Variants in LTBP1 observed in about 807,000 individuals in gnomAD.
The protein encoded by LTBP1 is latent transforming growth factor beta binding protein 1.
A neutral mutation model predicts 207.6 loss-of-function variants in LTBP1; 129 were observed. The ratio of observed to expected loss-of-function variants is 0.62; its 90% CI spans 0.54 to 0.72. The LOEUF is 0.72. Ranked by LOEUF, LTBP1 falls within the 30% of genes least tolerant of loss-of-function variation. LTBP1 has a pLI of 0.00. For synonymous variants in LTBP1, 963 were observed against 833.7 expected (o/e 1.16, Z -2.67); for missense variants, 2,281 against 2,217.2 (o/e 1.03, Z -0.58).
intron 2 of LTBP1, among the ~76,000 whole-genome samples, chr2:33,020,417 A>C (rs1488612298): frequency 1.3e-5 from 2 of 152,178 alleles, no homozygotes; most frequent in African/African-American, 4.8e-5. Flanking sequence ...CGTATATTTA[A>C]ATTTAAGCCA....
intron 3 of LTBP1, among the ~76,000 whole-genome samples, chr2:33,068,655 T>C (rs956366819): frequency 6.6e-6 from 1 of 151,956 alleles, no homozygotes; most frequent in African/African-American, 2.4e-5. Flanking sequence ...TTTGATAATA[T>C]TTGCAGTTGA....
rs532281367 is a variant in LTBP1 at position 33,342,848 on chromosome 2, A to T, written c.3741A>T (p.Glu1247Asp). ...ADGRTCEDID[E>D]CVNNTVCDSH... is the part of the protein sequence containing the mutation. Reference sequence around the variant, plus strand: ...ATGTCTTTTTTGCAGATATTGATGAATGTGTAAACAACACTGTTTGTGACA... The same window carrying T: ...ATGTCTTTTTTGCAGATATTGATGATTGTGTAAACAACACTGTTTGTGACA... The change falls in exon 25 of 34, where the codon GAA (glutamate) becomes GAT (aspartate). Residue 1247 changes from glutamate (E) to aspartate (D), a missense_variant. Physicochemically the swap from Glu to Asp is conservative, Grantham distance 45. Coordinates refer to ENST00000404816, the MANE Select transcript of LTBP1 (RefSeq NM_206943.4). 2 of 1,613,666 alleles carry T rather than the reference A, an allele frequency of 1.2e-6. No homozygotes were observed. The highest frequency in any genetic ancestry group is 2.2e-5 in the South Asian group (2 of 91,004).
chr2:32,988,174 T>G (rs1683881719), intron 2 of LTBP1, among the ~76,000 whole-genome samples: 1 of 152,246 alleles, frequency 6.6e-6, no homozygotes, highest in Non-Finnish European at 1.5e-5. Context: ...GTAATATGGA[T>G]TTTGGACTTC....
Position 33,398,408 on chromosome 2 carries a change from A to C in LTBP1, c.5029A>C (p.Lys1677Gln). 3 of 1,614,136 alleles carry C rather than the reference A, an allele frequency of 1.9e-6. No homozygotes were observed. In the South Asian group the frequency reaches 3.3e-5, roughly 18 times the overall value. The change falls in exon 34 of 34, where the codon AAG becomes CAG. Residue 1677 changes from lysine (K) to glutamine (Q), a missense_variant. Around this residue, in one of 3 missense-constraint regions of LTBP1, gnomAD observed 1,671 missense variants for 1,634.8 expected, o/e 1.02. Coordinates refer to ENST00000404816, the MANE Select transcript of LTBP1 (RefSeq NM_206943.4). Reference sequence around the variant, plus strand: ...GTTGAACAACCGGATGTCTCTCTGCAAGAATGCCAAGTGCATTAACACCGA... The same window carrying C: ...GTTGAACAACCGGATGTCTCTCTGCCAGAATGCCAAGTGCATTAACACCGA... ...DELNNRMSLC[K>Q]NAKCINTDGS...
chr2:33,257,500 C>T lies in LTBP1; in HGVS notation c.2384C>T (p.Ala795Val), dbSNP rs376550451. The change falls in exon 12 of 34, where the codon GCG (alanine) becomes GTG (valine). Residue 795 changes from alanine (A) to valine (V), a missense_variant. Around this residue, in one of 3 missense-constraint regions of LTBP1, gnomAD observed 1,671 missense variants for 1,634.8 expected, o/e 1.02. Transcript: ENST00000404816. ...TCCCGGGAACACGGGCCAGGAGTGG[C>T]GGAGCCAGAAGGTGAGAGCGGTAAT... is the stretch of plus-strand genomic sequence containing the variant. Reference protein sequence around the residue: ...TFSREHGPGVAEPEVATAPPE... With the variant: ...TFSREHGPGVVEPEVATAPPE... The T allele has an allele frequency of 2.2e-4, 352 of 1,613,908 alleles. No homozygotes were observed. Among genetic ancestry groups the T allele is most frequent in the Non-Finnish European group, 2.7e-4 (317 of 1,179,842 alleles).
At chr2:32,993,799 C>G (rs12469275) in intron 2 of LTBP1, among the ~76,000 whole-genome samples, 2 of 152,152 alleles carry the variant, frequency 1.3e-5, no homozygotes, top group Admixed American at 1.3e-4. Context: ...AAACTGAGGC[C>G]TAGGCCATTG....
chr2:33,075,089 A>G (rs2078011873), intron 3 of LTBP1, among the ~76,000 whole-genome samples: 1 of 152,124 alleles, frequency 6.6e-6, no homozygotes, highest in Non-Finnish European at 1.5e-5. Flanking sequence ...TGGATAAAAA[A>G]AAAAGATGTT....
chr2:33,023,994 A>G (rs1402869600), intron 3 of LTBP1, among the ~76,000 whole-genome samples: 1 of 152,228 alleles, frequency 6.6e-6, no homozygotes, highest in Non-Finnish European at 1.5e-5. Context: ...GTATTCAACT[A>G]TATACATAAA....
rs2076850072 is a variant in LTBP1 at position 33,053,601 on chromosome 2, A to G, written c.863+32395A>G. 2.0e-5 allele frequency among the ~76,000 whole-genome samples: 3 copies of G among 151,992 alleles called. No individual in the cohort carries two copies. The South Asian group carries it at 6.2e-4, about 32-fold the overall frequency. On this transcript the variant is annotated intron_variant, in intron 3 of 33. Coordinates refer to ENST00000404816, the MANE Select transcript of LTBP1 (RefSeq NM_206943.4). ...TAGAGGGGCCTGGCTATTTTGCTGTATCCGGGGATCCATAGTCGGCAAAAG... is the reference window on the plus strand; with the variant it reads ...TAGAGGGGCCTGGCTATTTTGCTGTGTCCGGGGATCCATAGTCGGCAAAAG...
intron 3 of LTBP1, among the ~76,000 whole-genome samples, chr2:33,034,228 T>TA (rs10710968): frequency 0.019 from 2,781 of 143,650 alleles, 51 homozygotes; most frequent in African/African-American, 0.047. Context: ...ATTGTTGTTC[T>TA]AAAAAAAAAA....
intron 3 of LTBP1, among the ~76,000 whole-genome samples, chr2:33,100,873 A>C (rs2079691921): frequency 6.6e-6 from 1 of 152,130 alleles, no homozygotes; most frequent in African/African-American, 2.4e-5. Flanking sequence ...CCTGTGTTAG[A>C]GTTTCATTTC....
chr2:33,228,880 T>C (rs1475772654), intron 9 of LTBP1, among the ~76,000 whole-genome samples: 1 of 151,564 alleles, frequency 6.6e-6, no homozygotes, highest in African/African-American at 2.4e-5. Flanking sequence ...TTTGTATTTT[T>C]AGTAGAGACA....
intron 4 of LTBP1, among the ~76,000 whole-genome samples, chr2:33,122,924 A>G (rs1020070687): frequency 6.6e-6 from 1 of 152,162 alleles, no homozygotes; most frequent in Non-Finnish European, 1.5e-5. Context: ...TTTGTAGGCA[A>G]GAGACCTCAG....
chr2:33,132,116 A>G (rs918630204), intron 4 of LTBP1, among the ~76,000 whole-genome samples: 1 of 152,206 alleles, frequency 6.6e-6, no homozygotes, highest in African/African-American at 2.4e-5. Flanking sequence ...AGGAGCCAGA[A>G]AAAGGAGGAG....
At chr2:32,994,641 A>G (rs754304701) in intron 2 of LTBP1, among the ~76,000 whole-genome samples, 3 of 151,764 alleles carry the variant, frequency 2.0e-5, no homozygotes, top group Admixed American at 6.6e-5. Context: ...TAATTTTTGT[A>G]TTTTTAATAG....
At chr2:32,979,040 G>C (rs549969869) in intron 2 of LTBP1, among the ~76,000 whole-genome samples, 7 of 151,620 alleles carry the variant, frequency 4.6e-5, no homozygotes, top group African/African-American at 1.7e-4. Flanking sequence ...GTTATCAATT[G>C]TTATGTAGTT....
At chr2:33,329,926 G>A (rs1038843183) in intron 24 of LTBP1, among the ~76,000 whole-genome samples, 2 of 151,954 alleles carry the variant, frequency 1.3e-5, no homozygotes, top group African/African-American at 4.8e-5. Flanking sequence ...AACTCTGCTG[G>A]GATTTTGATT....
Position 33,188,860 on chromosome 2 carries a change from C to T in LTBP1, c.1701+9C>T. 1 of 1,613,068 alleles carries T rather than the reference C, an allele frequency of 6.2e-7. No individual in the cohort carries two copies. Among genetic ancestry groups the T allele is most frequent in the Non-Finnish European group, 8.5e-7 (1 of 1,179,184 alleles). ...AAACCATTGGGTCACAGGTAAACAT[C>T]ATCACCGAGCCTGCTTTAGCAGTGT... On this transcript the variant is annotated intron_variant, in intron 7 of 33. Coordinates refer to ENST00000404816, the MANE Select transcript of LTBP1 (RefSeq NM_206943.4).
chr2:33,104,381 A>G (rs2150177812), intron 3 of LTBP1, among the ~76,000 whole-genome samples: 1 of 152,248 alleles, frequency 6.6e-6, no homozygotes, highest in South Asian at 2.1e-4. Flanking sequence ...CCCATCACAT[A>G]ATATGCAGTC....
Sources: gnomAD v4.1 joint callset for allele counts (sites outside exome capture counted in the v4.1 genomes callset) on GRCh38, gnomAD v4.1.1 for gene constraint, gnomAD v4.1.1 regional missense constraint, MANE v1.5 for transcripts, NCBI Gene and HGNC (gene_info 2026-07-23, HGNC 2026-07-21) for gene names.